The following TTBK1 variants were observed in gnomAD, a reference collection of about 807,000 sequenced individuals.
TTBK1 encodes the protein tau tubulin kinase 1, also known as tau-tubulin kinase 1.
TTBK1 carries 34 observed loss-of-function variants against 108.5 expected under a neutral mutation model. The observed-to-expected ratio is 0.31, with a 90% confidence interval of 0.24 to 0.42. TTBK1 has a LOEUF of 0.42. Among genes scored for constraint, TTBK1 ranks in the 10% least tolerant of loss-of-function variants. The pLI is 1.00. For missense variants in TTBK1, 1,539 were observed against 1,826.0 expected, an observed-to-expected ratio of 0.84 and a Z score of 2.86; for synonymous variants, 809 against 795.1, an observed-to-expected ratio of 1.02 and a Z score of -0.29.
intron 12 of TTBK1, among the ~76,000 whole-genome samples, chr6:43,262,153 A>C (rs1409283229): frequency 6.6e-6 from 1 of 152,152 alleles, no homozygotes; most frequent in African/African-American, 2.4e-5. Context: ...GGGGCTGGTG[A>C]GGGAAATGGG....
In TTBK1 at chr6:43,253,720, C is replaced by T. The variant is rs1167780291; in HGVS notation, c.471+12C>T. 1.9e-6 allele frequency: 3 copies of T among 1,606,958 alleles called. No individual in the cohort carries two copies. ...GTGACATCAAGCCTGTGAGTACTGC[C>T]CCCACACGCCTCTCTGTTCCCTCCT... On this transcript the variant is annotated intron_variant, in intron 5 of 14. Coordinates refer to ENST00000259750, the MANE Select transcript of TTBK1 (RefSeq NM_032538.3). The surrounding 1 kb of genome is among the most constrained non-coding windows in gnomAD (Gnocchi z 5.8).
intron 13 of TTBK1, chr6:43,270,139 TCCCACCTC>T: frequency 1.5e-6 from 2 of 1,367,272 alleles, no homozygotes; most frequent in South Asian, 3.7e-5. Flanking sequence ...AGAGTCTCCG[TCCCACCTC>T]CCCATCAGCT....
intron 13 of TTBK1, among the ~76,000 whole-genome samples, chr6:43,279,758 TTTG>T (rs111607015): frequency 1.0e-3 from 156 of 151,002 alleles, no homozygotes; most frequent in Middle Eastern, 3.4e-3. Flanking sequence ...GACAAAGTTT[TTTG>T]TTGTTGTTGT....
rs1049818129 is a variant in TTBK1 at position 43,254,588 on chromosome 6, G to A, written c.513G>A (p.Lys171=). ...AMGRLPSTYR[K]CYMLDFGLAR... ...GCAGGCTGCCCTCCACCTACAGGAA[G>A]TGCTATATGCTGGACTTCGGGCTGG... Residue 171 remains lysine (K), a synonymous_variant, in exon 6 of 15, where the codon AAG becomes AAA. Transcript: ENST00000259750. 3.1e-6 allele frequency: 5 copies of A among 1,589,264 alleles called. No individual in the cohort carries two copies. Among genetic ancestry groups the A allele is most frequent in the Admixed American group, 3.6e-5 (2 of 54,860 alleles).
Position 43,285,423 on chromosome 6 carries a change from C to T in TTBK1, c.*47C>T, listed in dbSNP as rs528255071. On this transcript the variant is annotated 3_prime_UTR_variant, in exon 15 of 15. Transcript: ENST00000259750. This position sits in a 1 kb window ranked among gnomAD's most constrained non-coding sequence, Gnocchi z 4.7. ...GTCCCCCACCCTCACCCCGGCCCCC[C>T]ACCCGCAGCCGGCCACACTGGAGCA... The T allele has an allele frequency of 3.2e-6, 4 of 1,251,208 alleles. No homozygotes were observed. In the African/African-American group the frequency reaches 4.7e-5, roughly 15 times the overall value. 77.5% of individuals were successfully genotyped at this position (1,251,208 alleles called of 1,614,324 possible). A position where few individuals can be genotyped will look rare whatever the true frequency, so the allele number is the denominator to read the frequency against.
rs1778373074 is a variant in TTBK1, at chr6:43,285,986, G to A, written c.*610G>A. Reference sequence around the variant, plus strand: ...CTGGGTTGGGGACCCAGGGAACATCGGTCTACTCAGGTGTGAGGGGGCAGG... The same window carrying A: ...CTGGGTTGGGGACCCAGGGAACATCAGTCTACTCAGGTGTGAGGGGGCAGG... On this transcript the variant is annotated 3_prime_UTR_variant, in exon 15 of 15. Transcript: ENST00000259750. The surrounding 1 kb of genome is among the most constrained non-coding windows in gnomAD (Gnocchi z 4.7). 1 of 152,798 alleles carries A rather than the reference G, an allele frequency of 6.5e-6. No homozygotes were observed. The highest frequency in any genetic ancestry group is 2.1e-4 in the South Asian group (1 of 4,830). 9.5% of individuals were successfully genotyped at this position (152,798 alleles called of 1,614,324 possible). A position where few individuals can be genotyped will look rare whatever the true frequency, so the allele number is the denominator to read the frequency against.
chr6:43,279,758 TTTGTTG>T lies in TTBK1; in HGVS notation c.1987-2949_1987-2944del, dbSNP rs111607015. 5.3e-5 allele frequency among the ~76,000 whole-genome samples: 8 copies of T among 150,886 alleles called. No individual in the cohort carries two copies. The East Asian group carries it at 6.0e-4, about 11-fold the overall frequency. On this transcript the variant is annotated intron_variant, in intron 13 of 14. Coordinates refer to ENST00000259750, the MANE Select transcript of TTBK1 (RefSeq NM_032538.3). ...CCTATATGTGGAGGGGACAAAGTTT[TTTGTTG>T]TTGTTGTTGTTGTTGTTGTGTTTTT...
At chr6:43,251,404 G>C (rs1206574776) in intron 2 of TTBK1, among the ~76,000 whole-genome samples, 6 of 152,198 alleles carry the variant, frequency 3.9e-5, no homozygotes, top group Non-Finnish European at 8.8e-5. Context: ...GCTCCCCGAG[G>C]GGGTGAGCAT....
In TTBK1 at chr6:43,252,767, G is replaced by C. The variant is rs763229970; in HGVS notation, c.137G>C (p.Gly46Ala). Reference protein sequence around the residue: ...VLKKIGGGGFGEIYEAMDLLT... With the variant: ...VLKKIGGGGFAEIYEAMDLLT... ...AAAAAGATCGGGGGCGGGGGCTTTG[G>C]TGAGATCTACGAGGCCATGGACCTG... Residue 46 changes from glycine (G) to alanine (A), a missense_variant, in exon 3 of 15, where the codon GGT (glycine) becomes GCT (alanine). Coordinates refer to ENST00000259750, the MANE Select transcript of TTBK1 (RefSeq NM_032538.3). 6.2e-7 allele frequency: 1 copy of C among 1,613,974 alleles called. No homozygotes were observed. The highest frequency in any genetic ancestry group is 8.5e-7 in the Non-Finnish European group (1 of 1,180,006).
chr6:43,272,477 C>G, intron 13 of TTBK1: 1 of 985,456 alleles, frequency 1.0e-6, no homozygotes, highest in African/African-American at 1.7e-5. Flanking sequence ...ACACACCCCC[C>G]ACCTCAGAAC....
chr6:43,268,992 AC>A (rs1423707115), intron 13 of TTBK1, among the ~76,000 whole-genome samples: 2 of 151,264 alleles, frequency 1.3e-5, no homozygotes, highest in African/African-American at 4.9e-5. Context: ...CACCATTATG[AC>A]CCCCATTTTA....
rs764016959 is a variant in TTBK1 at position 43,253,664 on chromosome 6, G to A, written c.427G>A (p.Glu143Lys). 4 of 1,612,644 alleles carry A rather than the reference G, an allele frequency of 2.5e-6. No homozygotes were observed. Among genetic ancestry groups the A allele is most frequent in the Non-Finnish European group, 3.4e-6 (4 of 1,179,644 alleles). Residue 143 changes from glutamate (E) to lysine (K), a missense_variant, in exon 5 of 15, where the codon GAG (glutamate) becomes AAG (lysine). Physicochemically the swap from Glu to Lys is moderately conservative, Grantham distance 56. Transcript: ENST00000259750. The surrounding 1 kb of genome is among the most constrained non-coding windows in gnomAD (Gnocchi z 5.8). Reference protein sequence around the residue: ...RLGKQILESIEAIHSVGFLHR... With the variant: ...RLGKQILESIKAIHSVGFLHR... Reference sequence around the variant, plus strand: ...GGGCAAGCAGATCTTGGAGTCCATCGAGGCCATCCACTCTGTGGGCTTCCT... The same window carrying A: ...GGGCAAGCAGATCTTGGAGTCCATCAAGGCCATCCACTCTGTGGGCTTCCT...
chr6:43,267,900 G>A (rs1351609969), intron 13 of TTBK1, among the ~76,000 whole-genome samples: 2 of 152,206 alleles, frequency 1.3e-5, no homozygotes, highest in Non-Finnish European at 2.9e-5. Flanking sequence ...GGGGGACAAA[G>A]ATGAATAAAG....
intron 7 of TTBK1, 103 bp downstream of exon 7, chr6:43,255,217 G>A (rs1582481810): frequency 2.0e-6 from 2 of 999,724 alleles, no homozygotes; most frequent in East Asian, 2.6e-5. Flanking sequence ...TGGGGCAGGG[G>A]CTGCAATCTG....
chr6:43,278,842 G>C (rs1778074850), intron 13 of TTBK1, among the ~76,000 whole-genome samples: 1 of 152,226 alleles, frequency 6.6e-6, no homozygotes, highest in Non-Finnish European at 1.5e-5. Flanking sequence ...CACAGAGCCA[G>C]ATGGGGGAAG....
At position 43,263,465 on chromosome 6, in the gene TTBK1, G is replaced by T. The variant is rs374357828; in HGVS notation, c.1986+115G>T. 6 of 1,046,120 alleles carry T rather than the reference G, an allele frequency of 5.7e-6. No homozygotes were observed. In the African/African-American group the frequency reaches 8.2e-5, roughly 14 times the overall value. 64.8% of individuals were successfully genotyped at this position (1,046,120 alleles called of 1,614,324 possible). On this transcript the variant is annotated intron_variant, in intron 13 of 14. Coordinates refer to ENST00000259750, the MANE Select transcript of TTBK1 (RefSeq NM_032538.3). This position sits in a 1 kb window ranked among gnomAD's most constrained non-coding sequence, Gnocchi z 4.7. The stretch of plus-strand genomic sequence containing the variant: ...CTGACCAGTAAGCCAGCAGTCACAG[G>T]GCTGTGATGGAGGTAGACAGGCTTA...
At chr6:43,272,752 G>A (rs938886129) in intron 13 of TTBK1, 12 of 858,434 alleles carry the variant, frequency 1.4e-5, no homozygotes, top group Middle Eastern at 5.9e-4. Flanking sequence ...GGTTTGGGTC[G>A]AGTTGCTGGT....
Position 43,284,114 on chromosome 6 carries a change from C to G in TTBK1, c.3374C>G (p.Ser1125Ter). The change falls in exon 14 of 15, where the codon TCA becomes TGA. Residue 1125 changes from serine (S) to a stop codon, truncating the protein, a stop_gained. Transcript: ENST00000259750. LOFTEE classifies it high-confidence loss of function. ...EEQRRASETL[S>*]GTGSEEDTPA... is the part of the protein sequence containing the mutation. ...CAGCGCCGTGCCTCTGAGACCCTCTCAGGCACGGGCTCTGAGGAGGACACG... is the reference window on the plus strand; with the variant it reads ...CAGCGCCGTGCCTCTGAGACCCTCTGAGGCACGGGCTCTGAGGAGGACACG... The G allele has an allele frequency of 6.5e-7, 1 of 1,539,674 alleles. No individual in the cohort carries two copies. The highest frequency in any genetic ancestry group is 8.7e-7 in the Non-Finnish European group (1 of 1,146,886).
At chr6:43,272,668 C>T in intron 13 of TTBK1, 1 of 985,364 alleles carries the variant, frequency 1.0e-6, no homozygotes, top group Non-Finnish European at 1.2e-6. Flanking sequence ...GGCTTTGACT[C>T]TTGGAGATTG....
Sources: gnomAD v4.1 joint callset for allele counts (sites outside exome capture counted in the v4.1 genomes callset) on GRCh38, gnomAD v4.1.1 for gene constraint, Gnocchi (gnomAD v3.1) non-coding constraint, MANE v1.5 for transcripts, NCBI Gene and HGNC (gene_info 2026-07-23, HGNC 2026-07-21) for gene names.